The following SUGCT variants were observed in gnomAD, a reference collection of about 807,000 sequenced individuals.
SUGCT encodes the protein succinyl-CoA:glutarate-CoA transferase, also known as succinyl-CoA:glutarate CoA-transferase.
Under a neutral mutation model 55.0 loss-of-function variants are expected in SUGCT, and 41 were observed. The observed-to-expected ratio is 0.74, with a 90% CI of 0.58 to 0.97. SUGCT has a LOEUF of 0.97. SUGCT is among the 50% of genes least tolerant of loss of function. The pLI, the probability that SUGCT is intolerant of heterozygous loss-of-function variation, is 0.00. For synonymous variants in SUGCT, 187 were observed against 200.4 expected (o/e 0.93, Z 0.56); for missense variants, 568 against 547.8 (o/e 1.04, Z -0.37).
chr7:40,296,191 G>T (rs1337703679), intron 8 of SUGCT, among the ~76,000 whole-genome samples: 1 of 152,188 alleles, frequency 6.6e-6, no homozygotes, highest in Admixed American at 6.5e-5. Context: ...GTAATTTTGT[G>T]CAAGTCATAG....
chr7:40,815,963 G>A (rs1397521771), intron 13 of SUGCT, among the ~76,000 whole-genome samples: 1 of 152,244 alleles, frequency 6.6e-6, no homozygotes, highest in Non-Finnish European at 1.5e-5. Context: ...AGGGTGAAAT[G>A]GAGAGTGCCC....
chr7:40,250,862 G>A (rs1424779160), intron 7 of SUGCT, among the ~76,000 whole-genome samples: 1 of 141,168 alleles, frequency 7.1e-6, no homozygotes. Flanking sequence ...TTTAAGACGG[G>A]GTCTCACCCT....
At chr7:40,877,255 A>G in the SUGCT span, among the ~76,000 whole-genome samples, 30 of 152,334 alleles carry the variant, frequency 2.0e-4, no homozygotes, top group South Asian at 6.0e-3. Flanking sequence ...AAGTGCTAAG[A>G]ATACCTTTCA....
At chr7:40,177,385 A>G (rs748321675) in intron 1 of SUGCT, among the ~76,000 whole-genome samples, 3 of 149,678 alleles carry the variant, frequency 2.0e-5, no homozygotes, top group Admixed American at 6.7e-5. Context: ...TGCGCCCACT[A>G]TACAAGCAGC....
At chr7:40,691,805 T>C (rs35456888) in intron 12 of SUGCT, among the ~76,000 whole-genome samples, 26,066 of 152,130 alleles carry the variant, frequency 0.17, 2,598 homozygotes, top group Non-Finnish European at 0.23. Context: ...CTTCTTCTTT[T>C]CTAGGGAGAG....
chr7:40,383,577 A>G (rs1583565468), intron 9 of SUGCT, among the ~76,000 whole-genome samples: 1 of 152,340 alleles, frequency 6.6e-6, no homozygotes, highest in South Asian at 2.1e-4. Context: ...CTTCCCATCT[A>G]TTGGGAAATA....
the SUGCT span, among the ~76,000 whole-genome samples, chr7:41,008,030 C>T: frequency 4.9e-4 from 74 of 152,282 alleles, no homozygotes; most frequent in African/African-American, 1.7e-3. Flanking sequence ...AAAGCTAGAG[C>T]TGTGACTCTG....
At chr7:40,547,484 C>CT (rs1436027837) in intron 12 of SUGCT, among the ~76,000 whole-genome samples, 3 of 151,986 alleles carry the variant, frequency 2.0e-5, no homozygotes, top group Admixed American at 2.0e-4. Flanking sequence ...TATTTCAAAA[C>CT]TTTTTTATGG....
chr7:40,918,025 T>C, the SUGCT span, among the ~76,000 whole-genome samples: 33 of 152,268 alleles, frequency 2.2e-4, no homozygotes, highest in Non-Finnish European at 4.0e-4. Flanking sequence ...GCACTTTCCA[T>C]TGGAGAAAAC....
the SUGCT span, among the ~76,000 whole-genome samples, chr7:40,869,548 G>T: frequency 2.0e-5 from 3 of 152,174 alleles, no homozygotes; most frequent in Non-Finnish European, 4.4e-5. Context: ...CCTGAGTAGA[G>T]ATATACCATG....
intron 12 of SUGCT, among the ~76,000 whole-genome samples, chr7:40,667,727 G>A (rs754002708): frequency 2.0e-5 from 3 of 151,846 alleles, no homozygotes; most frequent in Non-Finnish European, 4.4e-5. Flanking sequence ...TTTTTAGTTT[G>A]TATGCACAGA....
At chr7:40,883,787 G>A in the SUGCT span, among the ~76,000 whole-genome samples, 1 of 152,172 alleles carries the variant, frequency 6.6e-6, no homozygotes, top group Admixed American at 6.5e-5. Context: ...AGTATAAGCA[G>A]TGGATTGATT....
At chr7:40,924,337 C>T in the SUGCT span, among the ~76,000 whole-genome samples, 1 of 151,264 alleles carries the variant, frequency 6.6e-6, no homozygotes, top group Non-Finnish European at 1.5e-5. Flanking sequence ...GCCTCCCCAG[C>T]TCAAGTGATC....
the SUGCT span, among the ~76,000 whole-genome samples, chr7:40,925,184 G>A: frequency 3.9e-5 from 6 of 152,256 alleles, no homozygotes; most frequent in East Asian, 1.2e-3. Flanking sequence ...CTTTTCTTAA[G>A]CAAATCCTGA....
intron 9 of SUGCT, among the ~76,000 whole-genome samples, chr7:40,329,133 C>A (rs1205304786): frequency 6.6e-6 from 1 of 152,122 alleles, no homozygotes; most frequent in African/African-American, 2.4e-5. Flanking sequence ...CTGTGCTTAG[C>A]ACCAACACAG....
chr7:40,700,400 A>G (rs1785124410), intron 12 of SUGCT, among the ~76,000 whole-genome samples: 1 of 152,190 alleles, frequency 6.6e-6, no homozygotes, highest in African/African-American at 2.4e-5. Flanking sequence ...TGAAATGAGA[A>G]ATCTAAGCAT....
intron 1 of SUGCT, among the ~76,000 whole-genome samples, chr7:40,138,936 C>T (rs1324180119): frequency 1.3e-5 from 2 of 151,892 alleles, no homozygotes; most frequent in Non-Finnish European, 2.9e-5. Flanking sequence ...AAAATGATTA[C>T]AGCATACTGC....
At chr7:40,939,726 G>T in the SUGCT span, among the ~76,000 whole-genome samples, 1 of 151,912 alleles carries the variant, frequency 6.6e-6, no homozygotes, top group Non-Finnish European at 1.5e-5. Flanking sequence ...CCCACTTTTT[G>T]ATGGGATTGC....
At chr7:40,765,930 T>C (rs1788762708) in intron 13 of SUGCT, among the ~76,000 whole-genome samples, 1 of 152,232 alleles carries the variant, frequency 6.6e-6, no homozygotes, top group Admixed American at 6.5e-5. Flanking sequence ...TGTATTTTCT[T>C]TGGACTACTC....
Sources: gnomAD v4.1 joint callset for allele counts (sites outside exome capture counted in the v4.1 genomes callset) on GRCh38, gnomAD v4.1.1 for gene constraint, MANE v1.5 for transcripts, NCBI Gene and HGNC (gene_info 2026-07-23, HGNC 2026-07-21) for gene names.